Variants in NXNL2 observed in about 807,000 individuals in gnomAD.
NXNL2 encodes the protein nucleoredoxin like 2.
Under a neutral mutation model 11.1 loss-of-function variants are expected in NXNL2, and 7 were observed. The observed-to-expected ratio is 0.63, with a 90% CI of 0.36 to 1.18. The LOEUF is 1.18. Among genes scored for constraint, NXNL2 ranks in the 50% most tolerant of loss-of-function variants. The probability of loss-of-function intolerance (pLI) is 0.02; values close to 1 mark genes in which losing one functional copy is unlikely to be tolerated. For synonymous variants in NXNL2, 109 were observed against 101.8 expected, an observed-to-expected ratio of 1.07 and a Z score of -0.42; for missense variants, 233 against 217.7, an observed-to-expected ratio of 1.07 and a Z score of -0.44.
intron 1 of NXNL2, among the ~76,000 whole-genome samples, chr9:88,564,413 ATATT>A (rs1830138320): frequency 6.6e-6 from 1 of 151,014 alleles, no homozygotes; most frequent in African/African-American, 2.4e-5. Context: ...ATCTATTTAT[ATATT>A]TATTTATTTA....
intron 1 of NXNL2, among the ~76,000 whole-genome samples, chr9:88,554,172 C>T (rs1051047704): frequency 1.3e-5 from 2 of 152,066 alleles, no homozygotes; most frequent in African/African-American, 2.4e-5. Flanking sequence ...GTAAGGACCA[C>T]TGCCCCATTC....
Position 88,555,902 on chromosome 9 carries a change from T to G in NXNL2, c.303-15185T>G, listed in dbSNP as rs537627426. ...TCCGGCCACAGTGCACAGCCAGTCA[T>G]GCCGGCTGTTGTGGTTGGGTGGGCA... On this transcript the variant is annotated intron_variant, in intron 1 of 2. Coordinates refer to the NXNL2 transcript ENST00000375855. Among the ~76,000 whole-genome samples, 78 of 152,344 alleles carry G rather than the reference T, an allele frequency of 5.1e-4. 1 individual carries two copies. The East Asian group carries it at 0.015, about 29-fold the overall frequency.
At chr9:88,543,474 C>A (rs1339020019) in intron 1 of NXNL2, among the ~76,000 whole-genome samples, 1 of 152,084 alleles carries the variant, frequency 6.6e-6, no homozygotes, top group Non-Finnish European at 1.5e-5. Flanking sequence ...CTATGTTGCC[C>A]AGGCTGGTCT....
intron 1 of NXNL2, among the ~76,000 whole-genome samples, chr9:88,562,170 C>A (rs1830093107): frequency 6.6e-6 from 1 of 152,058 alleles, no homozygotes; most frequent in Non-Finnish European, 1.5e-5. Flanking sequence ...GGAAAAGGAG[C>A]CAGGCACACA....
downstream of NXNL2, among the ~76,000 whole-genome samples, chr9:88,545,852 C>T (rs1231684322): frequency 9.9e-5 from 15 of 151,980 alleles, no homozygotes; most frequent in African/African-American, 2.4e-4. Flanking sequence ...CTGCAACCTC[C>T]GCCTCCTGGG....
intron 1 of NXNL2, among the ~76,000 whole-genome samples, chr9:88,537,783 C>T (rs537981733): frequency 6.6e-6 from 1 of 152,304 alleles, no homozygotes; most frequent in South Asian, 2.1e-4. Context: ...CTGGCATCCC[C>T]AGGGAGTGTG....
chr9:88,543,033 C>T (rs1829791305), intron 1 of NXNL2, among the ~76,000 whole-genome samples: 1 of 152,150 alleles, frequency 6.6e-6, no homozygotes, highest in African/African-American at 2.4e-5. Context: ...AGGGAGTAAT[C>T]CCAGTGAAGA....
intron 1 of NXNL2, among the ~76,000 whole-genome samples, chr9:88,542,357 C>T (rs749467275): frequency 1.1e-4 from 16 of 151,948 alleles, no homozygotes; most frequent in Non-Finnish European, 1.9e-4. Context: ...GGCGCGATCT[C>T]GGCTCACTGC....
intron 1 of NXNL2, among the ~76,000 whole-genome samples, chr9:88,569,979 C>A (rs1255351373): frequency 1.3e-5 from 2 of 152,074 alleles, no homozygotes; most frequent in African/African-American, 2.4e-5. Flanking sequence ...CTGCAGGGCG[C>A]CTCATGTCTG....
At chr9:88,569,250 G>A (rs931240003) in intron 1 of NXNL2, among the ~76,000 whole-genome samples, 2 of 152,120 alleles carry the variant, frequency 1.3e-5, no homozygotes, top group Non-Finnish European at 2.9e-5. Flanking sequence ...GAGTTTTAAT[G>A]TTTTTTCCAT....
downstream of NXNL2, among the ~76,000 whole-genome samples, chr9:88,577,872 T>A (rs1471204244): frequency 6.6e-6 from 1 of 152,000 alleles, no homozygotes; most frequent in East Asian, 1.9e-4. Context: ...TGGTTGGGAG[T>A]CATCAGTGCC....
intron 1 of NXNL2, among the ~76,000 whole-genome samples, chr9:88,562,340 G>A (rs539005669): frequency 1.3e-3 from 195 of 152,244 alleles, no homozygotes; most frequent in African/African-American, 4.5e-3. Flanking sequence ...AGTGCTGGAG[G>A]TGCTCTGCAT....
downstream of NXNL2, among the ~76,000 whole-genome samples, chr9:88,577,334 GA>G (rs555505610): frequency 1.6e-3 from 246 of 152,088 alleles, 1 homozygote; most frequent in African/African-American, 5.5e-3. Flanking sequence ...AGGTGTTTGT[GA>G]TGCACCCCCG....
At chr9:88,562,534 C>G (rs1259617603) in intron 1 of NXNL2, among the ~76,000 whole-genome samples, 1 of 152,156 alleles carries the variant, frequency 6.6e-6, no homozygotes, top group Non-Finnish European at 1.5e-5. Context: ...GGGTGGATCA[C>G]TTGAGGTCAG....
At chr9:88,573,238 G>A (rs1024856130) in intron 2 of NXNL2, among the ~76,000 whole-genome samples, 1 of 151,992 alleles carries the variant, frequency 6.6e-6, no homozygotes, top group African/African-American at 2.4e-5. Flanking sequence ...CTACCTCCTG[G>A]GTTCAGGCAG....
At chr9:88,547,668 G>A (rs1829863598), downstream of NXNL2, among the ~76,000 whole-genome samples, 1 of 152,196 alleles carries the variant, frequency 6.6e-6, no homozygotes, top group African/African-American at 2.4e-5. Flanking sequence ...CAGCTATCTA[G>A]AATCTTTGAG....
chr9:88,552,261 A>G (rs372803013), intron 1 of NXNL2, among the ~76,000 whole-genome samples: 2 of 152,076 alleles, frequency 1.3e-5, no homozygotes, highest in African/African-American at 4.8e-5. Context: ...TTTCCCCATC[A>G]TTAAAAAAAC....
downstream of NXNL2, among the ~76,000 whole-genome samples, chr9:88,545,644 C>T (rs1445829994): frequency 6.6e-6 from 1 of 152,010 alleles, no homozygotes; most frequent in Non-Finnish European, 1.5e-5. Flanking sequence ...CCTGGGGGCC[C>T]TGTGGGTTGA....
chr9:88,575,512 A>G (rs1830337666), exon 3 of NXNL2: 1 of 152,360 alleles, frequency 6.6e-6, no homozygotes, highest in Middle Eastern at 3.4e-3. Context: ...CAGAAAGACA[A>G]ACATCACATG....
Sources: gnomAD v4.1 joint callset for allele counts (sites outside exome capture counted in the v4.1 genomes callset) on GRCh38, gnomAD v4.1.1 for gene constraint, MANE v1.5 for transcripts, NCBI Gene and HGNC (gene_info 2026-07-23, HGNC 2026-07-21) for gene names.